DHRS7: variants seen among roughly 807,000 people sequenced by gnomAD.
DHRS7 encodes the protein dehydrogenase/reductase 7.
A neutral mutation model predicts 38.9 loss-of-function variants in DHRS7; 34 were observed. The observed-to-expected ratio is 0.87, with a 90% confidence interval of 0.66 to 1.16. The LOEUF is 1.16. DHRS7 is among the 50% of genes most tolerant of loss of function. The probability of loss-of-function intolerance (pLI) is 0.00; values close to 1 mark genes in which losing one functional copy is unlikely to be tolerated. For missense variants in DHRS7, 421 were observed against 407.0 expected (o/e 1.03, Z -0.30); for synonymous variants, 158 against 153.1 (o/e 1.03, Z -0.24).
rs960053056 is a variant in DHRS7, at chr14:60,148,551, A to T, written c.972+802T>A. ...TGATAATCAGCATATTTCCTTAGACAGGGGAATAGGCACATCTTAGATGTG... is the reference window on the plus strand; with the variant it reads ...TGATAATCAGCATATTTCCTTAGACTGGGGAATAGGCACATCTTAGATGTG... On this transcript the variant is annotated intron_variant, in intron 6 of 6. Coordinates refer to ENST00000557185, the MANE Select transcript of DHRS7 (RefSeq NM_016029.4). This position sits in a 1 kb window ranked among gnomAD's most constrained non-coding sequence, Gnocchi z 4.8. Among the ~76,000 whole-genome samples, 10 of 152,212 alleles carry T rather than the reference A, an allele frequency of 6.6e-5. No homozygotes were observed. The highest frequency in any genetic ancestry group is 1.0e-4 in the Non-Finnish European group (7 of 68,042).
chr14:60,159,083 A>G (rs1896712504), intron 1 of DHRS7: 2 of 452,558 alleles, frequency 4.4e-6, no homozygotes, highest in Non-Finnish European at 8.8e-6. Flanking sequence ...ACCCAAGACG[A>G]CAAATATTGA....
chr14:60,152,696 G>T lies in DHRS7; in HGVS notation c.633+243C>A, dbSNP rs560732208. Reference sequence around the variant, plus strand: ...ATCTTATTATCTTTATATCCCCAGGGTCTGTTGTAGTACATGGCACAATGC... The same window carrying T: ...ATCTTATTATCTTTATATCCCCAGGTTCTGTTGTAGTACATGGCACAATGC... On this transcript the variant is annotated intron_variant, in intron 4 of 6. Coordinates refer to ENST00000557185, the MANE Select transcript of DHRS7 (RefSeq NM_016029.4). The T allele has an allele frequency of 1.2e-5, 6 of 518,216 alleles. No homozygotes were observed. The East Asian group carries it at 1.9e-4, about 17-fold the overall frequency. The allele number at this position is 518,216 out of a possible 1,614,324, so 32.1% of individuals were successfully genotyped here. A position where few individuals can be genotyped will look rare whatever the true frequency, so the allele number is the denominator to read the frequency against.
upstream of DHRS7, chr14:60,169,872 G>A (rs1490532352): frequency 6.6e-6 from 1 of 152,236 alleles, no homozygotes; most frequent in Non-Finnish European, 1.5e-5. Flanking sequence ...GCTGAGATGG[G>A]GCATGAGAGC....
chr14:60,165,921 T>C (rs957490637), upstream of DHRS7, among the ~76,000 whole-genome samples: 2 of 152,250 alleles, frequency 1.3e-5, no homozygotes, highest in Admixed American at 1.3e-4. This position sits in a 1 kb window ranked among gnomAD's most constrained non-coding sequence, Gnocchi z 4.6. Context: ...AAAAAAAGAC[T>C]GAAGCCATGT....
chr14:60,168,757 A>G (rs934871490), upstream of DHRS7: 1 of 1,551,134 alleles, frequency 6.4e-7, no homozygotes, highest in Non-Finnish European at 8.7e-7. Context: ...AAGAAAAACA[A>G]AATTCTTTCT....
intron 2 of DHRS7, among the ~76,000 whole-genome samples, chr14:60,155,384 A>G (rs1334951664): frequency 2.0e-5 from 3 of 152,122 alleles, no homozygotes; most frequent in Admixed American, 6.5e-5. Context: ...GTGAGGCGGA[A>G]GTTGCAATGA....
rs1896451458 is a variant in DHRS7 at position 60,148,065 on chromosome 14, C to G, written c.972+1288G>C. The G allele has an allele frequency of 6.6e-6, 1 of 152,186 alleles. No individual in the cohort carries two copies. Among genetic ancestry groups the G allele is most frequent in the Non-Finnish European group, 1.5e-5 (1 of 68,042 alleles). The allele number at this position is 152,186 out of a possible 1,614,324, so 9.4% of individuals were successfully genotyped here. A position where few individuals can be genotyped will look rare whatever the true frequency, so the allele number is the denominator to read the frequency against. ...CTACTTGGTAGAAAACGAAAAGCTC[C>G]TTTTTGATTTTTCACACTCTGGACA... On this transcript the variant is annotated intron_variant, in intron 6 of 6. Transcript: ENST00000557185. The surrounding 1 kb of genome is among the most constrained non-coding windows in gnomAD (Gnocchi z 4.8).
At position 60,149,385 on chromosome 14, in the gene DHRS7, T is replaced by TC; in HGVS notation, c.939dup (p.Lys314GlufsTer5). On this transcript the variant is annotated frameshift_variant, in exon 6 of 7. Coordinates refer to ENST00000557185, the MANE Select transcript of DHRS7 (RefSeq NM_016029.4). LOFTEE classifies it high-confidence loss of function. ...CTCTTAAAGTTCTCAATCCTTTTCT[T>TC]CCCCATCTTGTTGGTTATCCACCAG... The TC allele has an allele frequency of 6.2e-7, 1 of 1,614,150 alleles. No homozygotes were observed. The highest frequency in any genetic ancestry group is 8.5e-7 in the Non-Finnish European group (1 of 1,180,008).
At chr14:60,169,155 A>C (rs1246366219), upstream of DHRS7, 2 of 151,466 alleles carry the variant, frequency 1.3e-5, no homozygotes, top group African/African-American at 2.5e-5. Context: ...AAAAAAAAAA[A>C]AAAAAACCAT....
chr14:60,153,738 G>A lies in DHRS7; in HGVS notation c.393+221C>T, dbSNP rs1250105880. Among the ~76,000 whole-genome samples the A allele has an allele frequency of 6.6e-6, 1 of 151,830 alleles. No homozygotes were observed. The highest frequency in any genetic ancestry group is 1.5e-5 in the Non-Finnish European group (1 of 67,990). ...AAATAAAAGCAGCCGTGAATTTTTA[G>A]CTTCTTTTGTTCTACATGGAGGAAT... On this transcript the variant is annotated intron_variant, in intron 3 of 6. Transcript: ENST00000557185. This position sits in a 1 kb window ranked among gnomAD's most constrained non-coding sequence, Gnocchi z 4.4.
chr14:60,157,788 A>G (rs1398207746), intron 1 of DHRS7, among the ~76,000 whole-genome samples: 2 of 152,214 alleles, frequency 1.3e-5, no homozygotes, highest in Admixed American at 1.3e-4. Flanking sequence ...CAGAGCCGGG[A>G]TATAAGCCCA....
chr14:60,156,009 T>C lies in DHRS7; in HGVS notation c.277A>G (p.Arg93Gly). 1 of 1,570,196 alleles carries C rather than the reference T, an allele frequency of 6.4e-7. No individual in the cohort carries two copies. Among genetic ancestry groups the C allele is most frequent in the Non-Finnish European group, 8.6e-7 (1 of 1,159,834 alleles). ...TTTCAGATCCGCTTACCTAGGCATC[T>C]TCTTTTCACCCTTTCCAGCTCATGC... ...RVHELERVKR[R>G]CLENGNLKEK... The change falls in exon 2 of 7, where the codon AGA becomes GGA. Residue 93 changes from arginine to glycine, a missense_variant. Physicochemically the swap from Arg to Gly is moderately radical, Grantham distance 125 (BLOSUM62 -2). Coordinates refer to ENST00000557185, the MANE Select transcript of DHRS7 (RefSeq NM_016029.4).
upstream of DHRS7, among the ~76,000 whole-genome samples, chr14:60,166,736 G>T (rs371910728): frequency 4.6e-5 from 7 of 151,970 alleles, no homozygotes; most frequent in African/African-American, 1.7e-4. Flanking sequence ...AATTACTTCT[G>T]AACTATATCT....
intron 4 of DHRS7, 58 bp from the exon 5 acceptor site, chr14:60,150,245 A>C: frequency 1.8e-5 from 25 of 1,409,070 alleles, no homozygotes; most frequent in East Asian, 4.9e-5. Context: ...CACATATCTC[A>C]TGATTTATCA....
Position 60,144,862 on chromosome 14 carries a change from T to C in DHRS7, c.*104A>G, listed in dbSNP as rs1896357740. Reference sequence around the variant, plus strand: ...AAGCAAAGTCATATCTATTAAAAAGTAAAATCACAAATTAGTCTTTGATTA... The same window carrying C: ...AAGCAAAGTCATATCTATTAAAAAGCAAAATCACAAATTAGTCTTTGATTA... On this transcript the variant is annotated 3_prime_UTR_variant, in exon 7 of 7. Transcript: ENST00000557185. 2.0e-6 allele frequency: 2 copies of C among 1,000,430 alleles called. No individual in the cohort carries two copies. The highest frequency in any genetic ancestry group is 3.3e-5 in the African/African-American group (2 of 59,980). 62.0% of individuals were successfully genotyped at this position (1,000,430 alleles called of 1,614,324 possible).
Position 60,156,006 on chromosome 14 carries a change from ATCT to A in DHRS7, c.277_279del (p.Arg93del), listed in dbSNP as rs776214257. On this transcript the variant is annotated inframe_deletion, in exon 2 of 7. Coordinates refer to ENST00000557185, the MANE Select transcript of DHRS7 (RefSeq NM_016029.4). ...CTATTTCAGATCCGCTTACCTAGGC[ATCT>A]TCTTTTCACCCTTTCCAGCTCATGC... 1.3e-6 allele frequency: 2 copies of A among 1,569,408 alleles called. No individual in the cohort carries two copies. Among genetic ancestry groups the A allele is most frequent in the Admixed American group, 1.9e-5 (1 of 52,076 alleles).
Position 60,148,276 on chromosome 14 carries a change from TTC to T in DHRS7, c.972+1075_972+1076del, listed in dbSNP as rs1206424062. On this transcript the variant is annotated intron_variant, in intron 6 of 6. Transcript: ENST00000557185. This position sits in a 1 kb window ranked among gnomAD's most constrained non-coding sequence, Gnocchi z 4.8. Reference sequence around the variant, plus strand: ...TATATAGTATGATCTTGTTTTATAATTCTTTTTTTATCTGTCAATCCCCATTG... The same window carrying T: ...TATATAGTATGATCTTGTTTTATAATTTTTTTTATCTGTCAATCCCCATTG... 2.0e-5 allele frequency: 3 copies of T among 152,360 alleles called. No individual in the cohort carries two copies. The East Asian group carries it at 5.8e-4, about 29-fold the overall frequency. The allele number at this position is 152,360 out of a possible 1,614,324, so 9.4% of individuals were successfully genotyped here.
At chr14:60,149,274 GTT>G in intron 6 of DHRS7, 77 bp downstream of exon 6, 17 of 1,442,328 alleles carry the variant, frequency 1.2e-5, no homozygotes, top group Non-Finnish European at 1.7e-5. Flanking sequence ...CAGCCAGAAA[GTT>G]TTTTAAACAC....
Position 60,146,596 on chromosome 14 carries a change from T to C in DHRS7, c.973-1583A>G, listed in dbSNP as rs1201832913. The C allele has an allele frequency of 5.9e-5, 9 of 152,200 alleles. No homozygotes were observed. The highest frequency in any genetic ancestry group is 2.6e-4 in the Admixed American group (4 of 15,278). 9.4% of individuals were successfully genotyped at this position (152,200 alleles called of 1,614,324 possible). On this transcript the variant is annotated intron_variant, in intron 6 of 6. Coordinates refer to ENST00000557185, the MANE Select transcript of DHRS7 (RefSeq NM_016029.4). This position sits in a 1 kb window ranked among gnomAD's most constrained non-coding sequence, Gnocchi z 4.9. ...GATACCTACACTCCCATGTTCATTTTAGCATTATTCATAATAGCCAAGATA... is the reference window on the plus strand; with the variant it reads ...GATACCTACACTCCCATGTTCATTTCAGCATTATTCATAATAGCCAAGATA...
Sources: gnomAD v4.1 joint callset for allele counts (sites outside exome capture counted in the v4.1 genomes callset) on GRCh38, gnomAD v4.1.1 for gene constraint, Gnocchi (gnomAD v3.1) non-coding constraint, MANE v1.5 for transcripts, NCBI Gene and HGNC (gene_info 2026-07-23, HGNC 2026-07-21) for gene names.